SCAMP1: variants seen among roughly 807,000 people sequenced by gnomAD.
The protein encoded by SCAMP1 is secretory carrier membrane protein 1, also known as secretory carrier-associated membrane protein 1.
A neutral mutation model predicts 41.8 loss-of-function variants in SCAMP1; 15 were observed. The observed-to-expected ratio is 0.36, with a 90% confidence interval of 0.24 to 0.55. The LOEUF (loss-of-function observed/expected upper bound fraction) is 0.55. Among genes scored for constraint, SCAMP1 ranks in the 20% least tolerant of loss-of-function variants. The probability of loss-of-function intolerance (pLI) is 0.86; values close to 1 mark genes in which losing one functional copy is unlikely to be tolerated. For synonymous variants in SCAMP1, 135 were observed against 136.8 expected, an observed-to-expected ratio of 0.99 and a Z score of 0.09; for missense variants, 341 against 412.6, an observed-to-expected ratio of 0.83 and a Z score of 1.50.
chr5:78,469,919 AAAAAAAAAAAAAACAAC>A (rs1561290961), intron 8 of SCAMP1, among the ~76,000 whole-genome samples: 1,168 of 23,686 alleles, frequency 0.049, 142 homozygotes, highest in East Asian at 0.23. Context: ...AAAACAAAAA[AAAAAAAAAAAAAACAAC>A]AACACAGCCC....
intron 1 of SCAMP1, among the ~76,000 whole-genome samples, chr5:78,371,721 T>C (rs1750947289): frequency 6.6e-6 from 1 of 152,218 alleles, no homozygotes; most frequent in Non-Finnish European, 1.5e-5. Flanking sequence ...ATTGTCAGTA[T>C]TACCAACTTG....
intron 1 of SCAMP1, among the ~76,000 whole-genome samples, chr5:78,372,451 G>A (rs1054623447): frequency 3.9e-5 from 6 of 152,088 alleles, no homozygotes; most frequent in Admixed American, 1.3e-4. Flanking sequence ...TACCCAAAGA[G>A]GGGGAAGGTT....
chr5:78,447,537 A>T (rs1753081034), intron 6 of SCAMP1, among the ~76,000 whole-genome samples: 1 of 152,164 alleles, frequency 6.6e-6, no homozygotes, highest in Non-Finnish European at 1.5e-5. Context: ...CTGCTAGAAC[A>T]ATTGGATAAC....
intron 6 of SCAMP1, among the ~76,000 whole-genome samples, chr5:78,428,734 G>A (rs2112161029): frequency 6.6e-6 from 1 of 152,148 alleles, no homozygotes; most frequent in East Asian, 1.9e-4. Flanking sequence ...TGACAGCATT[G>A]ATTTTGTGAA....
chr5:78,447,629 T>C (rs1753083911), intron 6 of SCAMP1, among the ~76,000 whole-genome samples: 1 of 151,780 alleles, frequency 6.6e-6, no homozygotes, highest in East Asian at 1.9e-4. Context: ...AATGTAAAAC[T>C]GAAAATAGAA....
chr5:78,378,008 C>T (rs1413527773), intron 1 of SCAMP1, among the ~76,000 whole-genome samples: 1 of 152,154 alleles, frequency 6.6e-6, no homozygotes, highest in Non-Finnish European at 1.5e-5. Flanking sequence ...TTGTGATTAT[C>T]AAATTTCCCC....
intron 8 of SCAMP1, among the ~76,000 whole-genome samples, chr5:78,470,747 T>C (rs1046094467): frequency 1.6e-4 from 24 of 152,188 alleles, no homozygotes; most frequent in African/African-American, 5.8e-4. Context: ...CAAACTCTTT[T>C]CTGGAAGGAC....
At chr5:78,386,985 G>A (rs1751357325) in intron 1 of SCAMP1, among the ~76,000 whole-genome samples, 1 of 152,208 alleles carries the variant, frequency 6.6e-6, no homozygotes, top group African/African-American at 2.4e-5. Context: ...AGATTCTTGT[G>A]TTTAGATGTC....
intron 2 of SCAMP1, among the ~76,000 whole-genome samples, chr5:78,397,866 C>T (rs1392207070): frequency 6.6e-6 from 1 of 152,170 alleles, no homozygotes; most frequent in African/African-American, 2.4e-5. Flanking sequence ...ACATTGTTAG[C>T]TGTCAAGATG....
chr5:78,415,704 G>T, intron 3 of SCAMP1, 86 bp downstream of exon 3: 4 of 827,750 alleles, frequency 4.8e-6, no homozygotes, highest in Admixed American at 5.0e-5. Flanking sequence ...ATCTTTATAT[G>T]GTTACATTTC....
intron 8 of SCAMP1, among the ~76,000 whole-genome samples, chr5:78,466,948 C>T (rs1753764107): frequency 6.6e-6 from 1 of 151,976 alleles, no homozygotes; most frequent in African/African-American, 2.4e-5. Context: ...AAGTAGGGGA[C>T]AAGATAAGAC....
chr5:78,366,941 A>G (rs554301960), intron 1 of SCAMP1, among the ~76,000 whole-genome samples: 1 of 150,984 alleles, frequency 6.6e-6, no homozygotes, highest in Non-Finnish European at 1.5e-5. Flanking sequence ...AAAAAAACCC[A>G]AAAAACAAAC....
At chr5:78,387,701 G>C (rs954982937) in intron 1 of SCAMP1, among the ~76,000 whole-genome samples, 1 of 152,124 alleles carries the variant, frequency 6.6e-6, no homozygotes, top group Non-Finnish European at 1.5e-5. Context: ...CTTCCTGAGA[G>C]CTGAACTACA....
At chr5:78,380,499 A>G (rs1025995683) in intron 1 of SCAMP1, among the ~76,000 whole-genome samples, 1 of 152,218 alleles carries the variant, frequency 6.6e-6, no homozygotes, top group Non-Finnish European at 1.5e-5. Flanking sequence ...TAGGTGAGAA[A>G]TGATTAAATC....
At chr5:78,402,785 ATT>A in intron 2 of SCAMP1, among the ~76,000 whole-genome samples, 1 of 151,348 alleles carries the variant, frequency 6.6e-6, no homozygotes, top group East Asian at 2.0e-4. Context: ...GTTCAAAGTG[ATT>A]ATTGATTTAG....
chr5:78,388,741 G>A (rs1364833154), intron 1 of SCAMP1, 96 bp from the exon 2 acceptor site: 2 of 572,048 alleles, frequency 3.5e-6, no homozygotes, highest in African/African-American at 1.9e-5. Flanking sequence ...CTTGCTGCAT[G>A]ACCACAAGTA....
At chr5:78,443,266 A>T (rs1413915981) in intron 6 of SCAMP1, among the ~76,000 whole-genome samples, 1 of 151,768 alleles carries the variant, frequency 6.6e-6, no homozygotes, top group African/African-American at 2.4e-5. Flanking sequence ...TGCACAGATA[A>T]GTAGCAGCAT....
At chr5:78,382,329 C>A (rs142388772) in intron 1 of SCAMP1, among the ~76,000 whole-genome samples, 1 of 152,166 alleles carries the variant, frequency 6.6e-6, no homozygotes, top group Non-Finnish European at 1.5e-5. Context: ...ATGCTTTTCA[C>A]ATGAATTACA....
intron 2 of SCAMP1, 22 bp from the exon 3 acceptor site, chr5:78,415,498 T>C: frequency 1.4e-6 from 2 of 1,445,912 alleles, no homozygotes; most frequent in Non-Finnish European, 1.9e-6. Context: ...TTACATAATT[T>C]TCCTTCTCTT....
Sources: gnomAD v4.1 joint callset for allele counts (sites outside exome capture counted in the v4.1 genomes callset) on GRCh38, gnomAD v4.1.1 for gene constraint, MANE v1.5 for transcripts, NCBI Gene and HGNC (gene_info 2026-07-23, HGNC 2026-07-21) for gene names.